GRM8: variants seen among roughly 807,000 people sequenced by gnomAD.
GRM8 encodes the protein glutamate metabotropic receptor 8.
A neutral mutation model predicts 87.2 loss-of-function variants in GRM8; 47 were observed. That is an observed-to-expected ratio of 0.54 (90% CI 0.43 to 0.69). The LOEUF (loss-of-function observed/expected upper bound fraction) is 0.69. Ranked by LOEUF, GRM8 falls within the 30% of genes least tolerant of loss-of-function variation. The probability of loss-of-function intolerance (pLI) is 0.00; values close to 1 mark genes in which losing one functional copy is unlikely to be tolerated. For missense variants in GRM8, 1,019 were observed against 1,139.2 expected (o/e 0.89, Z 1.52); for synonymous variants, 396 against 404.5 (o/e 0.98, Z 0.25).
chr7:126,782,192 T>C (rs1000892801), intron 6 of GRM8, among the ~76,000 whole-genome samples: 1 of 152,202 alleles, frequency 6.6e-6, no homozygotes, highest in Non-Finnish European at 1.5e-5. Flanking sequence ...GTTTGTATAC[T>C]GTATTGCCAT....
chr7:127,083,865 T>C (rs1203968066), intron 3 of GRM8, among the ~76,000 whole-genome samples: 1 of 152,128 alleles, frequency 6.6e-6, no homozygotes, highest in Non-Finnish European at 1.5e-5. Flanking sequence ...CAGTACAGAA[T>C]TTACCAACCA....
At chr7:127,219,099 A>G (rs929375315) in intron 2 of GRM8, among the ~76,000 whole-genome samples, 1 of 152,198 alleles carries the variant, frequency 6.6e-6, no homozygotes, top group Non-Finnish European at 1.5e-5. Flanking sequence ...ATGCTTTCCG[A>G]TGGTGAGAAC....
intron 2 of GRM8, among the ~76,000 whole-genome samples, chr7:127,204,691 A>G (rs1466954039): frequency 6.6e-6 from 1 of 152,164 alleles, no homozygotes; most frequent in East Asian, 1.9e-4. Context: ...ATCAAGTAAA[A>G]TAAACCAGCT....
rs1397128808 is a variant in GRM8 at position 126,446,306 on chromosome 7, G to A, written c.2497C>T (p.Leu833Phe). The part of the protein sequence containing the change: ...SLSASVSLGM[L>F]YMPKVYIIIF... ...ATAATATAAACCTTGGGCATATAGA[G>A]CATGCCCAGAGATACTGAAGCACTT... The change falls in exon 10 of 11, where the codon CTC becomes TTC. Residue 833 changes from leucine to phenylalanine, a missense_variant. By Grantham distance (22) the Leu-to-Phe change is conservative. Coordinates refer to ENST00000339582, the MANE Select transcript of GRM8 (RefSeq NM_000845.3). 1.2e-6 allele frequency: 2 copies of A among 1,605,904 alleles called. No homozygotes were observed. Among genetic ancestry groups the A allele is most frequent in the Non-Finnish European group, 1.7e-6 (2 of 1,173,158 alleles).
At chr7:126,619,038 G>A (rs534527630) in intron 7 of GRM8, among the ~76,000 whole-genome samples, 17 of 152,282 alleles carry the variant, frequency 1.1e-4, no homozygotes, top group Admixed American at 7.9e-4. Context: ...ATACCCAAAG[G>A]ATTATAAATT....
At chr7:127,151,095 G>C (rs1426820845) in intron 2 of GRM8, among the ~76,000 whole-genome samples, 1 of 152,024 alleles carries the variant, frequency 6.6e-6, no homozygotes, top group East Asian at 1.9e-4. Context: ...CTAAGTGTGT[G>C]GCTGCCTGGC....
chr7:127,247,810 T>C (rs1798656587), intron 1 of GRM8, among the ~76,000 whole-genome samples: 1 of 151,844 alleles, frequency 6.6e-6, no homozygotes, highest in African/African-American at 2.4e-5. Context: ...AATAAGGGAA[T>C]ATGAGATTAT....
rs576236491 is a variant in GRM8 at position 127,132,381 on chromosome 7, C to T, written c.511-25669G>A. ...ATTTTGTTCCTTTTAATTATTTCTT[C>T]TCCTTTTCCAAGCTTTCCAAGTCAT... On this transcript the variant is annotated intron_variant, in intron 2 of 10. Coordinates refer to ENST00000339582, the MANE Select transcript of GRM8 (RefSeq NM_000845.3). 4.6e-5 allele frequency among the ~76,000 whole-genome samples: 7 copies of T among 152,316 alleles called. No homozygotes were observed. The South Asian group carries it at 1.5e-3, about 32-fold the overall frequency.
chr7:126,578,843 GA>G (rs1354799904), intron 8 of GRM8, among the ~76,000 whole-genome samples: 2 of 150,322 alleles, frequency 1.3e-5, no homozygotes, highest in Non-Finnish European at 3.0e-5. Context: ...ACTTAAAGAG[GA>G]AAAAAAAAGA....
At chr7:126,719,980 T>C (rs1184400702) in intron 7 of GRM8, among the ~76,000 whole-genome samples, 2 of 151,986 alleles carry the variant, frequency 1.3e-5, no homozygotes, top group Non-Finnish European at 2.9e-5. Flanking sequence ...TTTATCAGTG[T>C]CTCTAATTTA....
At chr7:126,439,859 T>TGTGTGTGTGTGTGTGTGTGTGTGTGTG in intron 10 of GRM8, among the ~76,000 whole-genome samples, 1 of 151,710 alleles carries the variant, frequency 6.6e-6, no homozygotes, top group East Asian at 2.0e-4. Flanking sequence ...TGTGTGTGTC[T>TGTGTGTGTGTGTGTGTGTGTGTGTGTG]TAGTTTTTAA....
chr7:126,502,821 A>G (rs1033775750), intron 9 of GRM8, among the ~76,000 whole-genome samples: 1 of 152,078 alleles, frequency 6.6e-6, no homozygotes, highest in African/African-American at 2.4e-5. Flanking sequence ...GAGTTAAAAG[A>G]GTAGACATAA....
chr7:126,456,286 T>A (rs1803213858), intron 9 of GRM8, among the ~76,000 whole-genome samples: 1 of 151,356 alleles, frequency 6.6e-6, no homozygotes, highest in Non-Finnish European at 1.5e-5. Flanking sequence ...CTCCACTGCC[T>A]CTTATTCCCA....
At chr7:127,128,057 A>G (rs545605153) in intron 2 of GRM8, among the ~76,000 whole-genome samples, 1 of 152,044 alleles carries the variant, frequency 6.6e-6, no homozygotes, top group African/African-American at 2.4e-5. Context: ...CTCAGCAGGC[A>G]CTCTCATGGC....
intron 6 of GRM8, among the ~76,000 whole-genome samples, chr7:126,806,693 T>C (rs1204371596): frequency 2.0e-5 from 3 of 152,236 alleles, no homozygotes; most frequent in Non-Finnish European, 4.4e-5. Context: ...CACCTGTCAC[T>C]GGCATGCGTC....
At chr7:126,798,051 A>G (rs1487331714) in intron 6 of GRM8, among the ~76,000 whole-genome samples, 1 of 152,122 alleles carries the variant, frequency 6.6e-6, no homozygotes, top group African/African-American at 2.4e-5. Flanking sequence ...TGACATCAAG[A>G]TGCTCTGAAT....
At chr7:126,751,823 G>T (rs975361232) in intron 7 of GRM8, among the ~76,000 whole-genome samples, 8 of 152,282 alleles carry the variant, frequency 5.3e-5, no homozygotes, top group African/African-American at 1.9e-4. Context: ...GGCCTTCTCA[G>T]GCCAGAAGAG....
chr7:126,645,633 T>C (rs954941976), intron 7 of GRM8, among the ~76,000 whole-genome samples: 4 of 152,206 alleles, frequency 2.6e-5, no homozygotes, highest in African/African-American at 7.2e-5. Context: ...GTCTATGCAG[T>C]GAACAGGAAG....
At position 127,014,569 on chromosome 7, in the gene GRM8, T is replaced by C. The variant is rs536666580; in HGVS notation, c.727+91927A>G. On this transcript the variant is annotated intron_variant, in intron 3 of 10. Coordinates refer to ENST00000339582, the MANE Select transcript of GRM8 (RefSeq NM_000845.3). ...AATGGAGATGGTAATATTTAACTCA[T>C]AATACGGTTGTGCAGATTAAACAGA... Among the ~76,000 whole-genome samples the C allele has an allele frequency of 1.4e-3, 216 of 152,212 alleles. 3 individuals are homozygous for C. The highest frequency in any genetic ancestry group is 0.01 in the Middle Eastern group (3 of 294).
Sources: allele counts gnomAD v4.1 joint callset (sites outside exome capture counted in the v4.1 genomes callset), GRCh38; gene constraint gnomAD v4.1.1; transcripts MANE v1.5; gene names NCBI Gene and HGNC (gene_info 2026-07-23, HGNC 2026-07-21).